DIPK2B: variants seen among roughly 807,000 people sequenced by gnomAD.
DIPK2B encodes the protein divergent protein kinase domain 2B, also known as UPF0672 protein CXorf36.
Under a neutral mutation model 22.2 loss-of-function variants are expected in DIPK2B, and 15 were observed. The observed-to-expected ratio is 0.68, with a 90% CI of 0.45 to 1.04. The LOEUF is 1.04. Ranked by LOEUF, DIPK2B falls within the 50% of genes least tolerant of loss-of-function variation. The pLI is 0.00. For missense variants in DIPK2B, 345 were observed against 348.3 expected (o/e 0.99, Z 0.08); for synonymous variants, 163 against 153.2 (o/e 1.06, Z -0.47).
At chrX:45,170,065 G>A (rs1402368781) in intron 2 of DIPK2B, among the ~76,000 whole-genome samples, 2 of 109,358 alleles carry the variant, frequency 1.8e-5, no homozygotes, top group South Asian at 4.0e-4. Context: ...TCAACATGGC[G>A]AAACCCTGTC....
At chrX:45,155,265 G>A (rs2046987072) in intron 3 of DIPK2B, among the ~76,000 whole-genome samples, 1 of 110,275 alleles carries the variant, frequency 9.1e-6, no homozygotes, top group South Asian at 4.0e-4. Context: ...TCTACTAAAA[G>A]TGCAAAGATC....
chrX:45,191,889 A>G lies in DIPK2B; in HGVS notation c.360T>C (p.Tyr120=). 2 of 1,211,565 alleles carry G rather than the reference A, an allele frequency of 1.7e-6. No individual in the cohort carries two copies. Among genetic ancestry groups the G allele is most frequent in the East Asian group, 3.0e-5 (1 of 33,815 alleles). ...TTCTCCTGTCTGAGATCTCGTTTTG[A>G]TATTTGCTGACCAGTCTAAAGATCT... is the stretch of plus-strand genomic sequence containing the variant. ...PVEIFRLVSK[Y]QNEISDRRIC... is the part of the protein sequence containing the mutation. Residue 120 remains tyrosine, a synonymous_variant, in exon 2 of 5, where the codon TAT becomes TAC. Coordinates refer to ENST00000398000, the MANE Select transcript of DIPK2B (RefSeq NM_176819.4).
At chrX:45,182,057 A>G (rs2047157150) in intron 2 of DIPK2B, among the ~76,000 whole-genome samples, 1 of 94,594 alleles carries the variant, frequency 1.1e-5, no homozygotes, top group South Asian at 5.4e-4. Flanking sequence ...CAGCTTGGTG[A>G]CAGAGACACC....
intron 4 of DIPK2B, among the ~76,000 whole-genome samples, chrX:45,153,273 C>T (rs2046970626): frequency 8.9e-6 from 1 of 111,765 alleles, no homozygotes; most frequent in East Asian, 2.8e-4. Context: ...CTGAATGAAA[C>T]TTTACACATA....
At chrX:45,171,780 A>G (rs766428328) in intron 2 of DIPK2B, among the ~76,000 whole-genome samples, 1 of 112,632 alleles carries the variant, frequency 8.9e-6, no homozygotes, top group East Asian at 2.8e-4. Context: ...GCCTTGTGCT[A>G]TGCACATCGG....
chrX:45,163,907 G>C (rs7061984), intron 2 of DIPK2B: 109,816 of 890,032 alleles, frequency 0.12, 5,790 homozygotes, highest in East Asian at 0.43. Flanking sequence ...ATCACATCTG[G>C]ATTGGGGTGG....
At chrX:45,193,816 T>A (rs72628910) in intron 1 of DIPK2B, among the ~76,000 whole-genome samples, 12,656 of 110,877 alleles carry the variant, frequency 0.11, 770 homozygotes, top group East Asian at 0.42. Context: ...GATCCTCCCC[T>A]CTAGGTGGAT....
chrX:45,154,516 C>T (rs999320707), intron 3 of DIPK2B, among the ~76,000 whole-genome samples: 11 of 110,892 alleles, frequency 9.9e-5, no homozygotes, highest in Non-Finnish European at 1.9e-4. Flanking sequence ...GGCAATGCCC[C>T]ATCCCTCCCC....
intron 2 of DIPK2B, among the ~76,000 whole-genome samples, chrX:45,177,128 T>C (rs1436426989): frequency 5.5e-5 from 6 of 109,136 alleles, no homozygotes; most frequent in African/African-American, 2.0e-4. Context: ...CAAGACCCTG[T>C]CTCTACAAAA....
chrX:45,160,781 A>T (rs916606956), intron 2 of DIPK2B, among the ~76,000 whole-genome samples: 2 of 111,852 alleles, frequency 1.8e-5, no homozygotes, highest in Admixed American at 1.9e-4. Flanking sequence ...TCTAGAAGGG[A>T]TAGGGGACAA....
chrX:45,157,039 C>T (rs2046999303), intron 3 of DIPK2B, among the ~76,000 whole-genome samples: 1 of 109,827 alleles, frequency 9.1e-6, no homozygotes, highest in Admixed American at 9.8e-5. Context: ...TTTTCCAGCT[C>T]CTCTCTCCCA....
chrX:45,198,256 T>C (rs1261484156), intron 1 of DIPK2B, among the ~76,000 whole-genome samples: 1 of 111,931 alleles, frequency 8.9e-6, no homozygotes, highest in Non-Finnish European at 1.9e-5. Context: ...TGATTTTATT[T>C]TGTGCTTTCT....
At chrX:45,179,216 CAA>C (rs1434772796) in intron 2 of DIPK2B, among the ~76,000 whole-genome samples, 4 of 111,108 alleles carry the variant, frequency 3.6e-5, no homozygotes, top group Non-Finnish European at 5.6e-5. Flanking sequence ...CTCAAAATGT[CAA>C]TAGTCTTGAG....
chrX:45,163,063 G>T, intron 2 of DIPK2B: 1 of 436,703 alleles, frequency 2.3e-6, no homozygotes, highest in Non-Finnish European at 2.9e-6. Flanking sequence ...GTGTTGCTGT[G>T]AAGGCATTTC....
chrX:45,178,790 A>G (rs888910747), intron 2 of DIPK2B, among the ~76,000 whole-genome samples: 1 of 111,702 alleles, frequency 9.0e-6, no homozygotes, highest in East Asian at 2.8e-4. Context: ...GACCTATCAG[A>G]GAACCACATT....
At chrX:45,190,466 G>C (rs949967149) in intron 2 of DIPK2B, among the ~76,000 whole-genome samples, 1 of 111,507 alleles carries the variant, frequency 9.0e-6, no homozygotes, top group Admixed American at 9.5e-5. Context: ...TCTCAGTACA[G>C]AGTGTCAGCA....
intron 2 of DIPK2B, among the ~76,000 whole-genome samples, chrX:45,187,468 G>GCACA (rs34308256): frequency 0.012 from 1,153 of 98,468 alleles, 23 homozygotes; most frequent in African/African-American, 0.037. Context: ...GCGCGCGCGC[G>GCACA]CACACACACA....
At chrX:45,193,663 T>C (rs1197844348) in intron 1 of DIPK2B, among the ~76,000 whole-genome samples, 1 of 112,667 alleles carries the variant, frequency 8.9e-6, no homozygotes, top group Non-Finnish European at 1.9e-5. Context: ...ACTTCTGCAA[T>C]GCAGGACAAT....
rs139886534 is a variant in DIPK2B, at chrX:45,169,022, G to A, written c.499-11134C>T. 5.8e-3 allele frequency among the ~76,000 whole-genome samples: 644 copies of A among 111,726 alleles called. 5 individuals carry two copies. Among genetic ancestry groups the A allele is most frequent in the African/African-American group, 0.02 (608 of 30,735 alleles). On this transcript the variant is annotated intron_variant, in intron 2 of 4. Coordinates refer to ENST00000398000, the MANE Select transcript of DIPK2B (RefSeq NM_176819.4). Reference sequence around the variant, plus strand: ...CTCAGTTTCCTCACCTATAACTGATGGATAGGATTCATGTTCTGAGCCAGG... The same window carrying A: ...CTCAGTTTCCTCACCTATAACTGATAGATAGGATTCATGTTCTGAGCCAGG...
Sources: allele counts gnomAD v4.1 joint callset (sites outside exome capture counted in the v4.1 genomes callset), GRCh38; gene constraint gnomAD v4.1.1; transcripts MANE v1.5; gene names NCBI Gene and HGNC (gene_info 2026-07-23, HGNC 2026-07-21).